ESRRG: variants seen among roughly 807,000 people sequenced by gnomAD.
ESRRG encodes estrogen-related receptor gamma.
In ESRRG, 13 loss-of-function variants were observed where a neutral mutation model predicts 44.0. The ratio of observed to expected loss-of-function variants is 0.30; its 90% confidence interval spans 0.19 to 0.47. The LOEUF is 0.47. ESRRG is among the 20% of genes least tolerant of loss of function. ESRRG has a pLI of 1.00. For synonymous variants in ESRRG, 215 were observed against 214.6 expected (o/e 1.00, Z -0.02); for missense variants, 395 against 580.6 (o/e 0.68, Z 3.29).
At chr1:216,617,700 G>C (rs1558838461) in intron 3 of ESRRG, among the ~76,000 whole-genome samples, 1 of 152,122 alleles carries the variant, frequency 6.6e-6, no homozygotes, top group Non-Finnish European at 1.5e-5. Context: ...TGTTGCTCCT[G>C]AAAGATTAAT....
chr1:216,686,273 T>C (rs555192117), intron 1 of ESRRG: 1 of 152,012 alleles, frequency 6.6e-6, no homozygotes, highest in South Asian at 2.1e-4. Flanking sequence ...TATCCTCTTT[T>C]TAAATAAACA....
At chr1:216,630,148 T>C (rs2063883714) in intron 3 of ESRRG, among the ~76,000 whole-genome samples, 1 of 152,156 alleles carries the variant, frequency 6.6e-6, no homozygotes, top group African/African-American at 2.4e-5. Context: ...AGATGACAAA[T>C]AAATACTAGG....
In ESRRG at chr1:216,804,294, C is replaced by T. The variant is rs567137584; in HGVS notation, c.-13-126803G>A. On this transcript the variant is annotated intron_variant, in intron 2 of 7. Transcript: ENST00000359162. ...GGCAGCCAAGCTTACCAGTGACTGA[C>T]GCTCGCTTAACTGAGCAAAGATTTG... is the stretch of plus-strand genomic sequence containing the variant. 4.2e-4 allele frequency among the ~76,000 whole-genome samples: 64 copies of T among 152,228 alleles called. 1 individual carries two copies. The Middle Eastern group carries it at 0.01, about 24-fold the overall frequency.
At position 216,622,400 on chromosome 1, in the gene ESRRG, G is replaced by C. The variant is rs2062396171; in HGVS notation, c.589+28573C>G. Among the ~76,000 whole-genome samples, 3 of 152,238 alleles carry C rather than the reference G, an allele frequency of 2.0e-5. 1 individual carries two copies. In the South Asian group the frequency reaches 6.2e-4, roughly 32 times the overall value. On this transcript the variant is annotated intron_variant, in intron 3 of 6. Coordinates refer to ENST00000408911, the MANE Select transcript of ESRRG (RefSeq NM_001438.4). ...CCATTTTAAATGGAAACTCATCTCT[G>C]CTTTCTTGAATTATTAGTTTTCTTT...
intron 2 of ESRRG, among the ~76,000 whole-genome samples, chr1:216,781,416 C>T (rs1017368753): frequency 6.6e-6 from 1 of 152,008 alleles, no homozygotes; most frequent in Non-Finnish European, 1.5e-5. Context: ...TTGCAAGTAT[C>T]TCTAAATGGC....
intron 1 of ESRRG, among the ~76,000 whole-genome samples, chr1:216,941,592 G>A (rs987382925): frequency 1.3e-5 from 2 of 152,128 alleles, no homozygotes; most frequent in South Asian, 2.1e-4. Context: ...GAGGGGAGAC[G>A]GTGGGGCATT....
intron 2 of ESRRG, among the ~76,000 whole-genome samples, chr1:216,919,890 C>T (rs966432905): frequency 1.3e-5 from 2 of 152,156 alleles, no homozygotes; most frequent in African/African-American, 4.8e-5. Context: ...GAACAGAGCA[C>T]CTGCATTAAA....
chr1:216,662,498 G>A (rs1248278177), intron 2 of ESRRG, among the ~76,000 whole-genome samples: 1 of 152,140 alleles, frequency 6.6e-6, no homozygotes, highest in Non-Finnish European at 1.5e-5. Flanking sequence ...CATGTAGTCT[G>A]TACCTGAAGT....
chr1:216,857,915 T>C (rs1202316962), intron 2 of ESRRG, among the ~76,000 whole-genome samples: 1 of 152,140 alleles, frequency 6.6e-6, no homozygotes, highest in Non-Finnish European at 1.5e-5. Context: ...ATTTCCCCCA[T>C]GGTATAAGGA....
intron 1 of ESRRG, among the ~76,000 whole-genome samples, chr1:216,998,967 T>C (rs1297476275): frequency 2.0e-5 from 3 of 152,208 alleles, no homozygotes; most frequent in African/African-American, 7.2e-5. Context: ...CTGGAGTTAG[T>C]GTGCCACTTC....
intron 1 of ESRRG, among the ~76,000 whole-genome samples, chr1:216,942,093 G>T (rs190327956): frequency 8.8e-4 from 126 of 143,430 alleles, no homozygotes; most frequent in African/African-American, 3.1e-3. Flanking sequence ...GGAGTCCCCA[G>T]TGTCTATTGT....
intron 1 of ESRRG, among the ~76,000 whole-genome samples, chr1:217,124,219 C>T (rs1047386653): frequency 3.3e-5 from 5 of 152,086 alleles, no homozygotes; most frequent in Admixed American, 3.3e-4. Context: ...ACGGAAGACA[C>T]CAACACTTAG....
intron 2 of ESRRG, among the ~76,000 whole-genome samples, chr1:216,651,584 C>G (rs2068973782): frequency 6.6e-6 from 1 of 152,160 alleles, no homozygotes; most frequent in South Asian, 2.1e-4. Flanking sequence ...ATAGTAAGCT[C>G]CTAGAGGGTA....
intron 1 of ESRRG, among the ~76,000 whole-genome samples, chr1:217,116,395 G>C (rs2092727306): frequency 6.6e-6 from 1 of 152,120 alleles, no homozygotes; most frequent in South Asian, 2.1e-4. Context: ...AGCTCCTGTA[G>C]CATCTATTAG....
intron 1 of ESRRG, among the ~76,000 whole-genome samples, chr1:216,946,181 T>C (rs986905152): frequency 6.6e-6 from 1 of 152,200 alleles, no homozygotes; most frequent in South Asian, 2.1e-4. Context: ...TAATTCATCT[T>C]TAGGTTTTGA....
chr1:216,847,000 T>A (rs1341013291), intron 2 of ESRRG, among the ~76,000 whole-genome samples: 1 of 152,158 alleles, frequency 6.6e-6, no homozygotes, highest in Non-Finnish European at 1.5e-5. Context: ...AGGGCTTTGA[T>A]AACTCAACAT....
intron 3 of ESRRG, among the ~76,000 whole-genome samples, chr1:216,619,504 A>G (rs1435252952): frequency 2.0e-5 from 3 of 152,192 alleles, no homozygotes; most frequent in African/African-American, 7.2e-5. Context: ...GGCTTGAGCA[A>G]CAATTCATAT....
chr1:216,911,852 G>A (rs909057053), intron 2 of ESRRG, among the ~76,000 whole-genome samples: 5 of 151,826 alleles, frequency 3.3e-5, no homozygotes, highest in Non-Finnish European at 7.4e-5. Context: ...GGTGGATCAC[G>A]TGCGCTCAGG....
At chr1:216,518,134 A>G (rs1308202615) in intron 6 of ESRRG, among the ~76,000 whole-genome samples, 1 of 152,156 alleles carries the variant, frequency 6.6e-6, no homozygotes, top group Admixed American at 6.5e-5. Flanking sequence ...AGTAAGCAAA[A>G]GCAATCTGGT....
Sources: gnomAD v4.1 joint callset for allele counts (sites outside exome capture counted in the v4.1 genomes callset) on GRCh38, gnomAD v4.1.1 for gene constraint, MANE v1.5 for transcripts, NCBI Gene and HGNC (gene_info 2026-07-23, HGNC 2026-07-21) for gene names.